TRIT1: variants seen among roughly 807,000 people sequenced by gnomAD.
The protein encoded by TRIT1 is tRNA dimethylallyltransferase.
Under a neutral mutation model 51.2 loss-of-function variants are expected in TRIT1, and 43 were observed. That is an observed-to-expected ratio of 0.84 (90% CI 0.66 to 1.08). The LOEUF (loss-of-function observed/expected upper bound fraction) is 1.08. Among genes scored for constraint, TRIT1 ranks in the 50% least tolerant of loss-of-function variants. The pLI, the probability that TRIT1 is intolerant of heterozygous loss-of-function variation, is 0.00. For missense variants in TRIT1, 528 were observed against 578.4 expected, an observed-to-expected ratio of 0.91 and a Z score of 0.89; for synonymous variants, 184 against 203.9, an observed-to-expected ratio of 0.90 and a Z score of 0.83.
At chr1:39,867,884 G>A (rs896464200) in intron 1 of TRIT1, among the ~76,000 whole-genome samples, 6 of 152,080 alleles carry the variant, frequency 3.9e-5, no homozygotes, top group African/African-American at 7.2e-5. Flanking sequence ...TTCCTACTGA[G>A]GTGAAATTAA....
At chr1:39,883,083 A>G (rs1252667487) in intron 1 of TRIT1, among the ~76,000 whole-genome samples, 2 of 152,236 alleles carry the variant, frequency 1.3e-5, no homozygotes. Context: ...TTCTCCATAA[A>G]AGGAGATAAT....
chr1:39,844,644 A>C lies in TRIT1; in HGVS notation c.1007-4T>G, dbSNP rs1049034432. On this transcript the variant is annotated splice_polypyrimidine_tract_variant and splice_region_variant and intron_variant, in intron 8 of 10. Transcript: ENST00000316891. ...GGGGGGACAATGGGACCAGGTCCTA[A>C]TGATGACAAAGAAAGGTTGTGAGAG... is the stretch of plus-strand genomic sequence containing the variant. 9 of 1,606,388 alleles carry C rather than the reference A, an allele frequency of 5.6e-6. No individual in the cohort carries two copies. In the African/African-American group the frequency reaches 1.2e-4, roughly 21 times the overall value.
At chr1:39,866,996 A>T (rs1643594090) in intron 1 of TRIT1, among the ~76,000 whole-genome samples, 1 of 152,172 alleles carries the variant, frequency 6.6e-6, no homozygotes, top group Admixed American at 6.5e-5. Flanking sequence ...AAAATAAAAT[A>T]AAAAAGCAGG....
chr1:39,874,397 AC>A (rs1643978864), intron 1 of TRIT1, among the ~76,000 whole-genome samples: 1 of 152,048 alleles, frequency 6.6e-6, no homozygotes, highest in African/African-American at 2.4e-5. Context: ...AGGCCAAATC[AC>A]CCCAAGTTGA....
At chr1:39,854,185 C>T (rs1414285878) in intron 2 of TRIT1, 117 bp from the exon 3 acceptor site, 1 of 702,650 alleles carries the variant, frequency 1.4e-6, no homozygotes, top group African/African-American at 1.8e-5. Flanking sequence ...GGGTGGGAAC[C>T]AAAATGCGTT....
At chr1:39,866,093 AAAGGAAGGAAGGAAGG>A (rs150669999) in intron 1 of TRIT1, among the ~76,000 whole-genome samples, 4 of 147,426 alleles carry the variant, frequency 2.7e-5, no homozygotes, top group South Asian at 2.2e-4. Flanking sequence ...AGGAAAGAAG[AAAGGAAGGAAGGAAGG>A]AAGGAAGGAA....
intron 4 of TRIT1, 57 bp from the exon 5 acceptor site, chr1:39,850,318 T>A: frequency 1.3e-6 from 2 of 1,594,376 alleles, no homozygotes; most frequent in Non-Finnish European, 1.7e-6. Flanking sequence ...ATAGAAAATA[T>A]TCATTCTCAA....
At chr1:39,859,048 C>T (rs12134606) in intron 1 of TRIT1, among the ~76,000 whole-genome samples, 28,090 of 151,624 alleles carry the variant, frequency 0.19, 2,669 homozygotes, top group East Asian at 0.3. Context: ...GTCAGGAGTT[C>T]GAGACCAGCC....
intron 1 of TRIT1, among the ~76,000 whole-genome samples, chr1:39,866,796 C>T (rs1643582329): frequency 1.3e-5 from 2 of 151,988 alleles, no homozygotes; most frequent in Non-Finnish European, 2.9e-5. Flanking sequence ...ACACAAAGAC[C>T]CCATGTCTAC....
chr1:39,854,503 T>TC (rs745873484), intron 2 of TRIT1, among the ~76,000 whole-genome samples: 1 of 152,180 alleles, frequency 6.6e-6, no homozygotes, highest in Non-Finnish European at 1.5e-5. Context: ...ACTTAGTCAG[T>TC]CTCTACCATC....
At chr1:39,869,525 C>A (rs1306494757) in intron 1 of TRIT1, among the ~76,000 whole-genome samples, 2 of 152,182 alleles carry the variant, frequency 1.3e-5, no homozygotes, top group East Asian at 1.9e-4. Flanking sequence ...CGGCCGCCAC[C>A]CCGTCTGGGA....
intron 9 of TRIT1, 61 bp downstream of exon 9, chr1:39,844,470 T>C: frequency 7.7e-7 from 1 of 1,293,406 alleles, no homozygotes; most frequent in Non-Finnish European, 1.1e-6. Flanking sequence ...GCAACAAAGG[T>C]GTCAGCTAAT....
Position 39,840,997 on chromosome 1 carries a change from T to C in TRIT1, c.*747A>G, listed in dbSNP as rs1413793942. 1 of 152,230 alleles carries C rather than the reference T, an allele frequency of 6.6e-6. No individual in the cohort carries two copies. The highest frequency in any genetic ancestry group is 1.5e-5 in the Non-Finnish European group (1 of 68,044). The allele number at this position is 152,230 out of a possible 1,614,324, so 9.4% of individuals were successfully genotyped here. ...AAGCTATCACATTGATAACAGAGCA[T>C]ACTGTGTATAAACTAGGCATGGACT... On this transcript the variant is annotated 3_prime_UTR_variant, in exon 11 of 11. Transcript: ENST00000316891.
chr1:39,860,189 A>T (rs1643154564), intron 1 of TRIT1, among the ~76,000 whole-genome samples: 1 of 152,242 alleles, frequency 6.6e-6, no homozygotes, highest in African/African-American at 2.4e-5. Flanking sequence ...ACTCATAGTT[A>T]ACAAAAACTG....
rs1451077827 is a variant in TRIT1 at position 39,841,344 on chromosome 1, C to G, written c.*400G>C. Reference sequence around the variant, plus strand: ...ATACTTCAGTCATCTACAAAAGCATCTGGAAATTAGATAATTTTAGCCAGA... The same window carrying G: ...ATACTTCAGTCATCTACAAAAGCATGTGGAAATTAGATAATTTTAGCCAGA... On this transcript the variant is annotated 3_prime_UTR_variant, in exon 11 of 11. Coordinates refer to ENST00000316891, the MANE Select transcript of TRIT1 (RefSeq NM_017646.6). The G allele has an allele frequency of 6.5e-6, 1 of 154,800 alleles. No homozygotes were observed. The highest frequency in any genetic ancestry group is 1.9e-4 in the East Asian group (1 of 5,264). The allele number at this position is 154,800 out of a possible 1,614,324, so 9.6% of individuals were successfully genotyped here.
At chr1:39,846,673 A>C (rs1018181509) in intron 8 of TRIT1, among the ~76,000 whole-genome samples, 1 of 152,232 alleles carries the variant, frequency 6.6e-6, no homozygotes, top group African/African-American at 2.4e-5. Context: ...TAATATATGT[A>C]TAACACCAAA....
intron 8 of TRIT1, among the ~76,000 whole-genome samples, chr1:39,845,820 G>A (rs138346071): frequency 2.0e-4 from 31 of 152,274 alleles, no homozygotes; most frequent in Admixed American, 3.9e-4. Context: ...GACCAGCCCT[G>A]GCCAATCACG....
intron 1 of TRIT1, among the ~76,000 whole-genome samples, chr1:39,879,759 G>A (rs923159392): frequency 3.3e-5 from 5 of 151,068 alleles, no homozygotes; most frequent in Non-Finnish European, 7.4e-5. Context: ...TGTAGTCCCA[G>A]CTACTAGGGA....
intron 4 of TRIT1, among the ~76,000 whole-genome samples, chr1:39,850,831 G>C (rs1324937013): frequency 6.6e-6 from 1 of 152,166 alleles, no homozygotes; most frequent in Non-Finnish European, 1.5e-5. Context: ...AAAGCATGTT[G>C]TACATCCAGC....
Sources: gnomAD v4.1 joint callset for allele counts (sites outside exome capture counted in the v4.1 genomes callset) on GRCh38, gnomAD v4.1.1 for gene constraint, MANE v1.5 for transcripts, NCBI Gene and HGNC (gene_info 2026-07-23, HGNC 2026-07-21) for gene names.